Variants in EEPD1 observed in about 807,000 individuals in gnomAD.
EEPD1 encodes the protein endonuclease/exonuclease/phosphatase family domain containing 1.
Under a neutral mutation model 46.3 loss-of-function variants are expected in EEPD1, and 17 were observed. The ratio of observed to expected loss-of-function variants is 0.37; its 90% CI spans 0.25 to 0.55. The LOEUF is 0.55. EEPD1 is among the 20% of genes least tolerant of loss of function. The pLI is 0.83. For missense variants in EEPD1, 673 were observed against 745.6 expected (o/e 0.90, Z 1.13); for synonymous variants, 313 against 315.6 (o/e 0.99, Z 0.09).
In EEPD1 at chr7:36,239,062, A is replaced by G. The variant is rs769553998; in HGVS notation, c.930+26A>G. On this transcript the variant is annotated intron_variant, in intron 3 of 7. Transcript: ENST00000242108. The stretch of plus-strand genomic sequence containing the variant: ...GTAAATATTTTACTCTTCCTTCCAC[A>G]TTCACAAACCAAGAACGGAGGGCCA... 1.9e-6 allele frequency: 3 copies of G among 1,609,894 alleles called. No homozygotes were observed. In the East Asian group the frequency reaches 6.7e-5, roughly 36 times the overall value.
chr7:36,289,482 T>C (rs2115888081), intron 6 of EEPD1, among the ~76,000 whole-genome samples: 1 of 152,352 alleles, frequency 6.6e-6, no homozygotes, highest in South Asian at 2.1e-4. Flanking sequence ...TCAAGGTTCA[T>C]CCATGTTGTA....
At chr7:36,291,426 G>T (rs912475559) in intron 6 of EEPD1, among the ~76,000 whole-genome samples, 2 of 152,174 alleles carry the variant, frequency 1.3e-5, no homozygotes, top group African/African-American at 4.8e-5. Context: ...ACCTCTGGGA[G>T]CCTGTTTCGT....
intron 3 of EEPD1, among the ~76,000 whole-genome samples, chr7:36,274,660 A>G (rs1320292684): frequency 1.3e-5 from 2 of 152,158 alleles, no homozygotes; most frequent in Non-Finnish European, 2.9e-5. Flanking sequence ...TCACCTAGGT[A>G]TTAAGCCCAG....
At chr7:36,164,185 A>G (rs1003612187) in intron 2 of EEPD1, among the ~76,000 whole-genome samples, 1 of 152,202 alleles carries the variant, frequency 6.6e-6, no homozygotes, top group Non-Finnish European at 1.5e-5. Context: ...TCTTAACCAC[A>G]CTTATTTTGA....
chr7:36,284,885 C>T, intron 5 of EEPD1, 65 bp downstream of exon 5: 1 of 1,427,336 alleles, frequency 7.0e-7, no homozygotes, highest in East Asian at 2.7e-5. Flanking sequence ...GAAAAGGGCT[C>T]ATTTTGTAAT....
At chr7:36,280,618 C>T (rs1236151021) in intron 3 of EEPD1, among the ~76,000 whole-genome samples, 2 of 152,326 alleles carry the variant, frequency 1.3e-5, no homozygotes, top group Middle Eastern at 3.4e-3. Flanking sequence ...AGCAGCTCTC[C>T]GCAGCAAGAG....
intron 6 of EEPD1, among the ~76,000 whole-genome samples, chr7:36,292,376 T>A (rs1405100748): frequency 2.6e-5 from 4 of 151,938 alleles, no homozygotes; most frequent in Non-Finnish European, 5.9e-5. Context: ...TTTCTTTTGT[T>A]TTGTTTTCTT....
At position 36,156,810 on chromosome 7, in the gene EEPD1, G is replaced by A. The variant is rs1345090325; in HGVS notation, c.878+1608G>A. 2.6e-5 allele frequency among the ~76,000 whole-genome samples: 4 copies of A among 152,310 alleles called. No individual in the cohort carries two copies. In the South Asian group the frequency reaches 6.2e-4, roughly 24 times the overall value. On this transcript the variant is annotated intron_variant, in intron 2 of 7. Coordinates refer to ENST00000242108, the MANE Select transcript of EEPD1 (RefSeq NM_030636.3). ...GGTTCTGATGCACACTAAAGTTTGA[G>A]AACCATTGTACTAGGTGTTAGGCAA...
chr7:36,159,805 C>T (rs943578590), intron 2 of EEPD1, among the ~76,000 whole-genome samples: 9 of 152,288 alleles, frequency 5.9e-5, no homozygotes, highest in African/African-American at 1.9e-4. Context: ...ATCCAAAAGG[C>T]GTCAGGGCTC....
In EEPD1 at chr7:36,154,303, G is replaced by A. The variant is rs199681831; in HGVS notation, c.-22G>A. ...TCTTCTGCAGTGGTGCGGCCTTCCC[G>A]GGAGCCTGATCCTGGCGGACCATGG... On this transcript the variant is annotated 5_prime_UTR_variant, in exon 2 of 8. Transcript: ENST00000242108. This position sits in a 1 kb window ranked among gnomAD's most constrained non-coding sequence, Gnocchi z 4.2. 56 of 1,596,366 alleles carry A rather than the reference G, an allele frequency of 3.5e-5. No individual in the cohort carries two copies. The highest frequency in any genetic ancestry group is 3.2e-5 in the Non-Finnish European group (38 of 1,175,208).
intron 3 of EEPD1, among the ~76,000 whole-genome samples, chr7:36,251,759 C>T (rs1356449265): frequency 6.6e-6 from 1 of 152,164 alleles, no homozygotes; most frequent in Non-Finnish European, 1.5e-5. Flanking sequence ...TAACCTAACC[C>T]AAAGCATTTT....
chr7:36,164,861 TAAGA>T (rs1223073257), intron 2 of EEPD1, among the ~76,000 whole-genome samples: 1 of 152,088 alleles, frequency 6.6e-6, no homozygotes, highest in Non-Finnish European at 1.5e-5. Flanking sequence ...GTTTAAGAAG[TAAGA>T]AAGAAATATA....
At chr7:36,284,916 C>T (rs991953086) in intron 5 of EEPD1, 96 bp downstream of exon 5, 25 of 1,369,354 alleles carry the variant, frequency 1.8e-5, no homozygotes, top group East Asian at 8.4e-5. Flanking sequence ...AGAGAAGTCT[C>T]GTCTTTTTGC....
At chr7:36,268,462 T>C (rs963225611) in intron 3 of EEPD1, among the ~76,000 whole-genome samples, 1 of 152,110 alleles carries the variant, frequency 6.6e-6, no homozygotes, top group Admixed American at 6.5e-5. Flanking sequence ...CCCAGCTGCT[T>C]GCTAAATTTT....
intron 2 of EEPD1, among the ~76,000 whole-genome samples, chr7:36,155,597 A>G (rs754905166): frequency 2.0e-5 from 3 of 152,242 alleles, no homozygotes; most frequent in Non-Finnish European, 4.4e-5. Flanking sequence ...AGGGAAAATC[A>G]TATTTGTTCC....
At chr7:36,220,147 G>T (rs891426522) in intron 2 of EEPD1, among the ~76,000 whole-genome samples, 1 of 152,142 alleles carries the variant, frequency 6.6e-6, no homozygotes, top group Admixed American at 6.5e-5. Flanking sequence ...GCTTCCTCCA[G>T]TGAAAGCCAA....
At chr7:36,165,703 C>G (rs778955947) in intron 2 of EEPD1, among the ~76,000 whole-genome samples, 10 of 151,870 alleles carry the variant, frequency 6.6e-5, no homozygotes, top group Non-Finnish European at 1.3e-4. Context: ...TCCCAAAGTG[C>G]TGGGATTACA....
At chr7:36,233,385 T>C (rs761862372) in intron 2 of EEPD1, among the ~76,000 whole-genome samples, 1 of 152,260 alleles carries the variant, frequency 6.6e-6, no homozygotes, top group Non-Finnish European at 1.5e-5. Context: ...CCTTTGCTAT[T>C]ACCCATTCAG....
chr7:36,293,446 C>T (rs1363952331), intron 6 of EEPD1, among the ~76,000 whole-genome samples: 5 of 152,096 alleles, frequency 3.3e-5, no homozygotes, highest in African/African-American at 1.2e-4. Flanking sequence ...ACCAGGCCAC[C>T]GGAGATGCTA....
Sources: gnomAD v4.1 joint callset for allele counts (sites outside exome capture counted in the v4.1 genomes callset) on GRCh38, gnomAD v4.1.1 for gene constraint, Gnocchi (gnomAD v3.1) non-coding constraint, MANE v1.5 for transcripts, NCBI Gene and HGNC (gene_info 2026-07-23, HGNC 2026-07-21) for gene names.